FIP1L1: variants seen among roughly 807,000 people sequenced by gnomAD.
FIP1L1 encodes the protein pre-mRNA 3'-end-processing factor FIP1.
FIP1L1 carries 21 observed loss-of-function variants against 84.6 expected under a neutral mutation model. The ratio of observed to expected loss-of-function variants is 0.25; its 90% CI spans 0.18 to 0.36. The LOEUF (loss-of-function observed/expected upper bound fraction) is 0.36, where lower values mean the gene tolerates loss of function less well. Ranked by LOEUF, FIP1L1 falls within the 10% of genes least tolerant of loss-of-function variation. The pLI, the probability that FIP1L1 is intolerant of heterozygous loss-of-function variation, is 1.00. For synonymous variants in FIP1L1, 263 were observed against 242.3 expected (o/e 1.09, Z -0.80); for missense variants, 526 against 751.1 (o/e 0.70, Z 3.50).
intron 3 of FIP1L1, among the ~76,000 whole-genome samples, chr4:53,381,362 A>G (rs1328579523): frequency 1.3e-5 from 2 of 152,162 alleles, no homozygotes; most frequent in African/African-American, 4.8e-5. Context: ...TAAACATTGC[A>G]TTGCAGTCTC....
At chr4:53,406,498 T>G (rs967984862) in intron 10 of FIP1L1, among the ~76,000 whole-genome samples, 1 of 152,240 alleles carries the variant, frequency 6.6e-6, no homozygotes, top group African/African-American at 2.4e-5. Context: ...TACCCGGCTT[T>G]GGTATCAGGA....
At position 53,388,368 on chromosome 4, in the gene FIP1L1, C is replaced by T. The variant is rs1292731661; in HGVS notation, c.333-1441C>T. Among the ~76,000 whole-genome samples the T allele has an allele frequency of 1.3e-4, 19 of 150,042 alleles. No homozygotes were observed. The East Asian group carries it at 2.9e-3, about 23-fold the overall frequency. Reference sequence around the variant, plus strand: ...TCTTTTTTTTTTTTTGAGATAGAGTCTCGCTCTTTTGCCCAGGCTGGAGTG... The same window carrying T: ...TCTTTTTTTTTTTTTGAGATAGAGTTTCGCTCTTTTGCCCAGGCTGGAGTG... On this transcript the variant is annotated intron_variant, in intron 5 of 17. Transcript: ENST00000337488.
At chr4:53,415,733 C>T (rs536324761) in intron 11 of FIP1L1, among the ~76,000 whole-genome samples, 3 of 152,162 alleles carry the variant, frequency 2.0e-5, no homozygotes, top group African/African-American at 7.2e-5. Flanking sequence ...ATTTTCTATA[C>T]AGTCTTAATT....
At chr4:53,454,606 C>T (rs1205587182) in intron 16 of FIP1L1, among the ~76,000 whole-genome samples, 1 of 152,142 alleles carries the variant, frequency 6.6e-6, no homozygotes, top group African/African-American at 2.4e-5. Context: ...AGATGTGCTG[C>T]CATTCAGGCT....
intron 13 of FIP1L1, among the ~76,000 whole-genome samples, chr4:53,429,856 T>C (rs1479009022): frequency 6.6e-6 from 1 of 152,176 alleles, no homozygotes. Context: ...GGTTATTAAT[T>C]ATAGTCACCA....
chr4:53,449,289 AT>A (rs1775457597), intron 15 of FIP1L1, among the ~76,000 whole-genome samples: 1 of 152,074 alleles, frequency 6.6e-6, no homozygotes, highest in African/African-American at 2.4e-5. Flanking sequence ...GGTTAAGGAA[AT>A]TCTGTTCCTC....
chr4:53,426,008 G>T (rs753862133), intron 12 of FIP1L1, 43 bp downstream of exon 12: 9 of 1,309,926 alleles, frequency 6.9e-6, no homozygotes, highest in Non-Finnish European at 8.7e-6. Flanking sequence ...ACTGAAGGAT[G>T]ATATCAACAT....
chr4:53,437,326 C>CAAAAAA lies in FIP1L1; in HGVS notation c.1175-5305_1175-5300dup, dbSNP rs55957570. Reference sequence around the variant, plus strand: ...CAACAGTGTGAGACCCTGTCTCAACCAAAAAAAAAAAAAAAAAAAAAAAAA... The same window carrying CAAAAAA: ...CAACAGTGTGAGACCCTGTCTCAACCAAAAAAAAAAAAAAAAAAAAAAAAAAAAAAA... On this transcript the variant is annotated intron_variant, in intron 13 of 17. Coordinates refer to ENST00000337488, the MANE Select transcript of FIP1L1 (RefSeq NM_030917.4). 2.0e-3 allele frequency among the ~76,000 whole-genome samples: 128 copies of CAAAAAA among 64,496 alleles called. 2 individuals are homozygous for CAAAAAA. Among genetic ancestry groups the CAAAAAA allele is most frequent in the African/African-American group, 4.4e-3 (82 of 18,454 alleles). The allele number at this position is 64,496 out of a possible 152,430, so 42.3% of individuals were successfully genotyped here.
At chr4:53,420,350 A>G (rs1226276220) in intron 11 of FIP1L1, among the ~76,000 whole-genome samples, 5 of 150,538 alleles carry the variant, frequency 3.3e-5, no homozygotes, top group Non-Finnish European at 7.4e-5. Context: ...AATTGCTTGA[A>G]TCCAGGAGGC....
At chr4:53,405,231 A>T (rs1227747799) in intron 10 of FIP1L1, among the ~76,000 whole-genome samples, 1 of 152,078 alleles carries the variant, frequency 6.6e-6, no homozygotes, top group African/African-American at 2.4e-5. Context: ...ACATATGGCT[A>T]GCCAGTTTTC....
At chr4:53,404,434 C>G (rs1752063668) in intron 10 of FIP1L1, among the ~76,000 whole-genome samples, 1 of 151,900 alleles carries the variant, frequency 6.6e-6, no homozygotes, top group Non-Finnish European at 1.5e-5. Flanking sequence ...GGGTTGGTTC[C>G]AAGTCTTTGC....
chr4:53,379,029 T>G (rs1736327481), intron 1 of FIP1L1, 44 bp from the exon 2 acceptor site: 5 of 1,581,184 alleles, frequency 3.2e-6, no homozygotes, highest in Non-Finnish European at 4.3e-6. Flanking sequence ...ATAAGTATCT[T>G]GTTAAGTAAT....
Position 53,459,584 on chromosome 4 carries a change from C to A in FIP1L1, c.*135C>A. ...TAGTATGAAAAGTTAACTTTTTTTC[C>A]AAAATAAAAGAGTGAATTTTTCATG... On this transcript the variant is annotated 3_prime_UTR_variant, in exon 18 of 18. Coordinates refer to ENST00000337488, the MANE Select transcript of FIP1L1 (RefSeq NM_030917.4). 1 of 1,304,386 alleles carries A rather than the reference C, an allele frequency of 7.7e-7. No homozygotes were observed. 80.8% of individuals were successfully genotyped at this position (1,304,386 alleles called of 1,614,324 possible).
rs1023056993 is a variant in FIP1L1 at position 53,405,223 on chromosome 4, A to G, written c.815+5384A>G. ...AAGGGATCCAGTTTCAGCTCTCTAC[A>G]TATGGCTAGCCAGTTTTCCCAGCAC... On this transcript the variant is annotated intron_variant, in intron 10 of 17. Coordinates refer to ENST00000337488, the MANE Select transcript of FIP1L1 (RefSeq NM_030917.4). 1.2e-4 allele frequency among the ~76,000 whole-genome samples: 19 copies of G among 152,206 alleles called. 1 individual carries two copies. In the East Asian group the frequency reaches 3.5e-3, roughly 28 times the overall value.
intron 16 of FIP1L1, among the ~76,000 whole-genome samples, chr4:53,456,962 A>G (rs1429481076): frequency 6.6e-6 from 1 of 152,154 alleles, no homozygotes; most frequent in African/African-American, 2.4e-5. Flanking sequence ...AGTTGGAGTC[A>G]TTGAAAAGCC....
intron 10 of FIP1L1, among the ~76,000 whole-genome samples, chr4:53,402,695 C>A (rs1396988582): frequency 6.6e-6 from 1 of 152,084 alleles, no homozygotes; most frequent in Non-Finnish European, 1.5e-5. Context: ...GAGTGAGACA[C>A]TGTCTAAAAA....
intron 3 of FIP1L1, among the ~76,000 whole-genome samples, chr4:53,381,382 T>C (rs1390209362): frequency 1.3e-5 from 2 of 152,196 alleles, no homozygotes; most frequent in Non-Finnish European, 2.9e-5. Context: ...CCAATTGTGT[T>C]ATATCTATCC....
At chr4:53,410,560 A>T (rs1756681669) in intron 10 of FIP1L1, among the ~76,000 whole-genome samples, 2 of 152,230 alleles carry the variant, frequency 1.3e-5, no homozygotes, top group South Asian at 2.1e-4. Context: ...TTGAATAAGA[A>T]AATTGCTCGA....
intron 10 of FIP1L1, among the ~76,000 whole-genome samples, chr4:53,402,438 A>G (rs1281226039): frequency 1.3e-5 from 2 of 152,212 alleles, no homozygotes; most frequent in African/African-American, 2.4e-5. Flanking sequence ...ACTGTAGCTC[A>G]TGCCTGTAAT....
Sources: allele counts gnomAD v4.1 joint callset (sites outside exome capture counted in the v4.1 genomes callset), GRCh38; gene constraint gnomAD v4.1.1; transcripts MANE v1.5; gene names NCBI Gene and HGNC (gene_info 2026-07-23, HGNC 2026-07-21).